NXPE2: variants seen among roughly 807,000 people sequenced by gnomAD.
The protein encoded by NXPE2 is NXPE family member 2.
A neutral mutation model predicts 34.4 loss-of-function variants in NXPE2; 34 were observed. The ratio of observed to expected loss-of-function variants is 0.99; its 90% confidence interval spans 0.75 to 1.31. The LOEUF (loss-of-function observed/expected upper bound fraction) is 1.31, where lower values mean the gene tolerates loss of function less well. NXPE2 is among the 40% of genes most tolerant of loss of function. The pLI is 0.00. For missense variants in NXPE2, 649 were observed against 672.5 expected (o/e 0.97, Z 0.39); for synonymous variants, 235 against 231.3 (o/e 1.02, Z -0.15).
the NXPE2 span, among the ~76,000 whole-genome samples, chr11:114,634,506 G>A: frequency 6.6e-6 from 1 of 152,036 alleles, no homozygotes; most frequent in Non-Finnish European, 1.5e-5. Flanking sequence ...TGTTGCTATT[G>A]CTTTTGGTGT....
the NXPE2 span, among the ~76,000 whole-genome samples, chr11:114,466,251 C>T: frequency 6.6e-6 from 1 of 152,108 alleles, no homozygotes; most frequent in South Asian, 2.1e-4. Context: ...AATTTTGGTA[C>T]TGCAGTTCTG....
At chr11:114,530,880 G>A in the NXPE2 span, 1 of 1,612,738 alleles carries the variant, frequency 6.2e-7, no homozygotes, top group Non-Finnish European at 8.5e-7. Context: ...GTAATGGACA[G>A]AGATGGATAA....
At chr11:114,657,843 A>G in the NXPE2 span, among the ~76,000 whole-genome samples, 17 of 152,274 alleles carry the variant, frequency 1.1e-4, 1 homozygote, top group East Asian at 3.3e-3. Context: ...TCCAGCCCCA[A>G]TTTTACAGAC....
chr11:114,724,983 G>A, the NXPE2 span, among the ~76,000 whole-genome samples: 1 of 147,840 alleles, frequency 6.8e-6, no homozygotes, highest in Admixed American at 6.8e-5. Flanking sequence ...AATTTTTTGA[G>A]ACTCTGTACT....
At position 114,698,015 on chromosome 11, in the gene NXPE2, G is replaced by C. The variant is rs1236800013; in HGVS notation, c.133-30G>C. 2.8e-6 allele frequency: 4 copies of C among 1,444,564 alleles called. No individual in the cohort carries two copies. The African/African-American group carries it at 5.7e-5, about 21-fold the overall frequency. The allele number at this position is 1,444,564 out of a possible 1,614,324, so 89.5% of individuals were successfully genotyped here. A position where few individuals can be genotyped will look rare whatever the true frequency, so the allele number is the denominator to read the frequency against. On this transcript the variant is annotated intron_variant, in intron 2 of 5. Transcript: ENST00000389586. ...AAAGCAAGCCCTATTGTTTGCTGAT[G>C]ATATTTTCTTTTCCCTTTCAATATT...
chr11:114,488,738 T>G, the NXPE2 span, among the ~76,000 whole-genome samples: 6 of 152,158 alleles, frequency 3.9e-5, no homozygotes, highest in African/African-American at 7.2e-5. Context: ...TAGCACTAAA[T>G]GCCCACAAGA....
chr11:114,506,828 G>C, the NXPE2 span, among the ~76,000 whole-genome samples: 4 of 151,966 alleles, frequency 2.6e-5, no homozygotes, highest in African/African-American at 9.7e-5. Context: ...AAGAATTAGA[G>C]AACCAGAAGC....
At chr11:114,611,168 G>C in the NXPE2 span, among the ~76,000 whole-genome samples, 1 of 151,562 alleles carries the variant, frequency 6.6e-6, no homozygotes, top group Non-Finnish European at 1.5e-5. Flanking sequence ...AATAAGGACT[G>C]TCTCATGGGT....
chr11:114,512,976 C>T, the NXPE2 span: 1 of 344,562 alleles, frequency 2.9e-6, no homozygotes, highest in Non-Finnish European at 5.9e-6. Context: ...GGTGTCTCGC[C>T]CTCCAGAGAG....
chr11:114,496,653 C>A, the NXPE2 span, among the ~76,000 whole-genome samples: 1 of 152,034 alleles, frequency 6.6e-6, no homozygotes, highest in African/African-American at 2.4e-5. Context: ...ATAATTGGTT[C>A]TGATTCTTGA....
the NXPE2 span, among the ~76,000 whole-genome samples, chr11:114,663,637 C>CATCTATCTATCATCT: frequency 0.13 from 18,272 of 138,424 alleles, 1,463 homozygotes; most frequent in Admixed American, 0.16. Flanking sequence ...ATCTATCTAT[C>CATCTATCTATCATCT]ATCTATCCAT....
At chr11:114,571,379 A>G in the NXPE2 span, 6 of 1,613,986 alleles carry the variant, frequency 3.7e-6, no homozygotes, top group African/African-American at 6.7e-5. Flanking sequence ...AGGGATAACA[A>G]TATTTTTGCC....
At chr11:114,576,279 A>G in the NXPE2 span, among the ~76,000 whole-genome samples, 2 of 152,184 alleles carry the variant, frequency 1.3e-5, no homozygotes, top group African/African-American at 4.8e-5. Context: ...ACCCTTCTAG[A>G]CACTGGCTTA....
the NXPE2 span, among the ~76,000 whole-genome samples, chr11:114,606,182 T>C: frequency 1.3e-5 from 2 of 151,658 alleles, no homozygotes; most frequent in Non-Finnish European, 2.9e-5. Flanking sequence ...GCCTTGTGGG[T>C]AATCACAGTT....
the NXPE2 span, among the ~76,000 whole-genome samples, chr11:114,640,055 AATT>A: frequency 3.7e-4 from 44 of 117,948 alleles, no homozygotes; most frequent in African/African-American, 1.4e-3. Flanking sequence ...TATAATATAT[AATT>A]TATTTAAAAT....
At chr11:114,507,820 T>A in the NXPE2 span, among the ~76,000 whole-genome samples, 1 of 147,344 alleles carries the variant, frequency 6.8e-6, no homozygotes, top group Admixed American at 6.6e-5. Context: ...GCATTCCCCT[T>A]GAAAACCAAC....
the NXPE2 span, among the ~76,000 whole-genome samples, chr11:114,781,479 T>C: frequency 3.9e-5 from 6 of 152,292 alleles, no homozygotes; most frequent in African/African-American, 1.4e-4. Flanking sequence ...GAAGGCTTCC[T>C]GAAAGAGGTG....
chr11:114,801,870 G>A, the NXPE2 span, among the ~76,000 whole-genome samples: 1 of 152,058 alleles, frequency 6.6e-6, no homozygotes, highest in African/African-American at 2.4e-5. Flanking sequence ...GAGAGGAGAG[G>A]GATGAGTGTT....
At chr11:114,561,091 C>T in the NXPE2 span, among the ~76,000 whole-genome samples, 7 of 152,340 alleles carry the variant, frequency 4.6e-5, no homozygotes, top group East Asian at 9.6e-4. Context: ...CTAACTTCAT[C>T]TCTCTTTCTA....
Sources: allele counts gnomAD v4.1 joint callset (sites outside exome capture counted in the v4.1 genomes callset), GRCh38; gene constraint gnomAD v4.1.1; transcripts MANE v1.5; gene names NCBI Gene and HGNC (gene_info 2026-07-23, HGNC 2026-07-21).